Variants in C8orf90 observed in about 807,000 individuals in gnomAD.
C8orf90 encodes the protein uncharacterized protein C8orf90.
At chr8:141,518,302 C>T in the C8orf90 span, 1 of 665,096 alleles carries the variant, frequency 1.5e-6, no homozygotes, top group South Asian at 1.6e-5. Context: ...CGGCATCGGG[C>T]GCGCCTACCG....
chr8:141,518,434 C>G, the C8orf90 span: 2 of 666,798 alleles, frequency 3.0e-6, no homozygotes, highest in East Asian at 3.1e-5. Flanking sequence ...CTACGACCCC[C>G]GCGACCGCGC....
At chr8:141,518,434 C>T in the C8orf90 span, 31 of 666,906 alleles carry the variant, frequency 4.6e-5, no homozygotes, top group African/African-American at 4.9e-4. Flanking sequence ...CTACGACCCC[C>T]GCGACCGCGC....
chr8:141,515,435 C>T, the C8orf90 span, among the ~76,000 whole-genome samples: 1 of 150,300 alleles, frequency 6.7e-6, no homozygotes, highest in Admixed American at 6.6e-5. Flanking sequence ...CTGGCCCCTG[C>T]CCTGCCCTCT....
chr8:141,514,923 G>A, the C8orf90 span: 1 of 601,138 alleles, frequency 1.7e-6, no homozygotes, highest in Non-Finnish European at 3.0e-6. Context: ...GGGCCAGGAT[G>A]GGGGCATGCG....
the C8orf90 span, chr8:141,518,593 T>A: frequency 4.4e-6 from 2 of 459,470 alleles, no homozygotes; most frequent in Non-Finnish European, 3.8e-6. Flanking sequence ...GGGCCCGGCC[T>A]CGTCCTGCTG....
the C8orf90 span, among the ~76,000 whole-genome samples, chr8:141,516,434 T>C: frequency 6.6e-6 from 1 of 152,168 alleles, no homozygotes; most frequent in Non-Finnish European, 1.5e-5. Context: ...ATCAATGACC[T>C]CTGCGCTGGT....
the C8orf90 span, chr8:141,514,725 G>A: frequency 4.3e-6 from 3 of 701,690 alleles, no homozygotes; most frequent in African/African-American, 5.2e-5. Flanking sequence ...GGGACCCCCA[G>A]CCCAGCAGGT....
At chr8:141,517,417 A>G in the C8orf90 span, among the ~76,000 whole-genome samples, 3 of 86,476 alleles carry the variant, frequency 3.5e-5, no homozygotes, top group African/African-American at 9.9e-5. Context: ...AGAAAGAAAG[A>G]AGGAATGTAG....
At chr8:141,514,738 GC>G in the C8orf90 span, 2 of 701,576 alleles carry the variant, frequency 2.9e-6, no homozygotes, top group Non-Finnish European at 5.2e-6. Context: ...CAGCAGGTCT[GC>G]CCCCTCCTTC....
chr8:141,514,820 C>T, the C8orf90 span: 1 of 692,440 alleles, frequency 1.4e-6, no homozygotes, highest in South Asian at 1.5e-5. Context: ...GCACCTGGGG[C>T]TCTGAGAATG....
chr8:141,517,251 C>T, the C8orf90 span, among the ~76,000 whole-genome samples: 1 of 152,258 alleles, frequency 6.6e-6, no homozygotes, highest in Non-Finnish European at 1.5e-5. Context: ...ATTCCCACTT[C>T]CTAGCCTCCC....
the C8orf90 span, chr8:141,518,343 C>T: frequency 8.9e-6 from 6 of 674,722 alleles, no homozygotes; most frequent in Non-Finnish European, 1.6e-5. Flanking sequence ...ACTTCGCCAT[C>T]CGCGTGCTCA....
At chr8:141,518,355 C>G in the C8orf90 span, 2 of 677,004 alleles carry the variant, frequency 3.0e-6, no homozygotes, top group Admixed American at 4.2e-5. Flanking sequence ...GCGTGCTCAC[C>G]GAGAACTTCA....
At chr8:141,516,461 G>T in the C8orf90 span, among the ~76,000 whole-genome samples, 26 of 152,110 alleles carry the variant, frequency 1.7e-4, no homozygotes, top group Non-Finnish European at 3.7e-4. Context: ...GAGGTCACTT[G>T]GACTCATTTG....
chr8:141,516,604 G>T, the C8orf90 span, among the ~76,000 whole-genome samples: 1 of 152,144 alleles, frequency 6.6e-6, no homozygotes, highest in African/African-American at 2.4e-5. Flanking sequence ...AGGACCCGAA[G>T]CTCTCTGCTT....
chr8:141,516,034 C>G, the C8orf90 span, among the ~76,000 whole-genome samples: 1 of 152,190 alleles, frequency 6.6e-6, no homozygotes, highest in Non-Finnish European at 1.5e-5. Context: ...ACCCACTGTA[C>G]TTGTGGCATT....
chr8:141,518,260 G>T, the C8orf90 span: 2 of 629,962 alleles, frequency 3.2e-6, no homozygotes, highest in Non-Finnish European at 5.7e-6. Flanking sequence ...CATCTACGGC[G>T]GGGACGCGCA....
chr8:141,515,682 C>T, the C8orf90 span, among the ~76,000 whole-genome samples: 1 of 152,066 alleles, frequency 6.6e-6, no homozygotes, highest in African/African-American at 2.4e-5. Flanking sequence ...TCCTCCACCC[C>T]TCCTCACATC....
the C8orf90 span, among the ~76,000 whole-genome samples, chr8:141,515,073 T>C: frequency 3.0e-4 from 46 of 151,818 alleles, no homozygotes; most frequent in Non-Finnish European, 5.4e-4. Context: ...AGGGTCCTTC[T>C]CACTCTTTAG....
Sources: allele counts gnomAD v4.1 joint callset (sites outside exome capture counted in the v4.1 genomes callset), GRCh38; gene constraint gnomAD v4.1.1; transcripts MANE v1.5; gene names NCBI Gene and HGNC (gene_info 2026-07-23, HGNC 2026-07-21).